The following SOX6 variants were observed in gnomAD, a reference collection of about 807,000 sequenced individuals.
SOX6 encodes the protein transcription factor SOX-6.
Under a neutral mutation model 97.8 loss-of-function variants are expected in SOX6, and 11 were observed. That is an observed-to-expected ratio of 0.11 (90% CI 0.07 to 0.19). SOX6 has a LOEUF of 0.19. Among genes scored for constraint, SOX6 ranks in the 10% least tolerant of loss-of-function variants. SOX6 has a pLI of 1.00. For synonymous variants in SOX6, 360 were observed against 371.4 expected (o/e 0.97, Z 0.35); for missense variants, 810 against 1,039.5 (o/e 0.78, Z 3.04).
intron 5 of SOX6, 138 bp downstream of exon 5, chr11:16,186,645 T>G (rs975772553): frequency 4.6e-6 from 5 of 1,091,436 alleles, no homozygotes; most frequent in East Asian, 2.8e-5. Flanking sequence ...GAAGGCTTTG[T>G]TTTTTTTTTC....
chr11:16,040,711 A>T (rs1590151760), intron 12 of SOX6, among the ~76,000 whole-genome samples: 1 of 152,182 alleles, frequency 6.6e-6, no homozygotes, highest in South Asian at 2.1e-4. Flanking sequence ...TGCGCTATCA[A>T]TCTCACAGAG....
intron 6 of SOX6, among the ~76,000 whole-genome samples, chr11:16,142,985 C>A (rs1850186005): frequency 6.6e-6 from 1 of 152,114 alleles, no homozygotes; most frequent in South Asian, 2.1e-4. Flanking sequence ...CATTCAAATT[C>A]AGGAAATACA....
At chr11:16,224,520 T>C (rs189058064) in intron 4 of SOX6, among the ~76,000 whole-genome samples, 1 of 152,176 alleles carries the variant, frequency 6.6e-6, no homozygotes, top group East Asian at 1.9e-4. Flanking sequence ...CTTGTGTCTC[T>C]AACCCCAAGT....
chr11:16,346,375 C>G (rs1856776268), intron 1 of SOX6, among the ~76,000 whole-genome samples: 1 of 151,990 alleles, frequency 6.6e-6, no homozygotes, highest in Non-Finnish European at 1.5e-5. Flanking sequence ...CCCTCTTCTT[C>G]TATCTCTAAT....
chr11:16,650,136 A>G (rs1010914513), intron 3 of SOX6, among the ~76,000 whole-genome samples: 21 of 152,170 alleles, frequency 1.4e-4, no homozygotes, highest in African/African-American at 4.3e-4. Flanking sequence ...TTTATAAAAC[A>G]ATTACTACTA....
chr11:16,044,954 ATCTG>A (rs1336462513), intron 12 of SOX6, among the ~76,000 whole-genome samples: 1 of 140,688 alleles, frequency 7.1e-6, no homozygotes, highest in Non-Finnish European at 1.5e-5. Flanking sequence ...CTATCTATCT[ATCTG>A]TCTATCTGTC....
intron 6 of SOX6, among the ~76,000 whole-genome samples, chr11:16,114,386 A>G (rs1289636675): frequency 6.6e-6 from 1 of 152,226 alleles, no homozygotes; most frequent in Admixed American, 6.5e-5. Context: ...GAAGCTAATT[A>G]TAATACCTTA....
intron 3 of SOX6, among the ~76,000 whole-genome samples, chr11:16,656,406 G>A (rs775601280): frequency 3.3e-5 from 5 of 152,078 alleles, no homozygotes; most frequent in Non-Finnish European, 5.9e-5. Context: ...GACGTACCAG[G>A]AGAGTCTTTA....
intron 13 of SOX6, among the ~76,000 whole-genome samples, chr11:16,002,231 G>A (rs1854428138): frequency 6.6e-6 from 1 of 152,156 alleles, no homozygotes; most frequent in Non-Finnish European, 1.5e-5. Flanking sequence ...GCCTTTTGTG[G>A]TATTTGTTAA....
intron 3 of SOX6, among the ~76,000 whole-genome samples, chr11:16,241,597 T>A (rs1488435675): frequency 6.6e-6 from 1 of 152,076 alleles, no homozygotes; most frequent in Non-Finnish European, 1.5e-5. Flanking sequence ...GGGAAAATAT[T>A]TCTGACTGCT....
chr11:16,730,364 A>G (rs1848340348), intron 2 of SOX6, among the ~76,000 whole-genome samples: 1 of 152,152 alleles, frequency 6.6e-6, no homozygotes, highest in Admixed American at 6.6e-5. Flanking sequence ...CTCCTCAGCA[A>G]AAGCAAAAGA....
intron 6 of SOX6, among the ~76,000 whole-genome samples, chr11:16,118,015 T>A (rs903307593): frequency 6.6e-6 from 1 of 152,208 alleles, no homozygotes; most frequent in Admixed American, 6.5e-5. Context: ...AATTCAGAGA[T>A]TCTTTAATTA....
rs997564554 is a variant in SOX6, at chr11:15,970,720, G to A, written c.*2089C>T. 8 of 152,628 alleles carry A rather than the reference G, an allele frequency of 5.2e-5. No individual in the cohort carries two copies. Among genetic ancestry groups the A allele is most frequent in the African/African-American group, 1.4e-4 (6 of 41,452 alleles). 9.5% of individuals were successfully genotyped at this position (152,628 alleles called of 1,614,324 possible). A position where few individuals can be genotyped will look rare whatever the true frequency, so the allele number is the denominator to read the frequency against. ...AGAATAGCTTGTAATTTCTTGGCTA[G>A]ACCTGTTTATTGCTATTAGGCCTTG... On this transcript the variant is annotated 3_prime_UTR_variant, in exon 16 of 16. Transcript: ENST00000683767.
At chr11:15,989,812 T>C (rs1853990039) in intron 13 of SOX6, among the ~76,000 whole-genome samples, 2 of 152,222 alleles carry the variant, frequency 1.3e-5, no homozygotes, top group South Asian at 4.1e-4. Context: ...AAGGAGACCA[T>C]GGTAAATAAA....
chr11:16,363,218 C>CT (rs1169390868), intron 1 of SOX6, among the ~76,000 whole-genome samples: 2 of 152,134 alleles, frequency 1.3e-5, no homozygotes, highest in African/African-American at 4.8e-5. Flanking sequence ...AAGGGACCAC[C>CT]TTCTAGCTTC....
Position 15,994,597 on chromosome 11 carries a change from T to C in SOX6, c.1733-5367A>G, listed in dbSNP as rs528142411. Among the ~76,000 whole-genome samples the C allele has an allele frequency of 4.6e-5, 7 of 152,038 alleles. 1 individual carries two copies. The East Asian group carries it at 1.4e-3, about 29-fold the overall frequency. Reference sequence around the variant, plus strand: ...TCTAGAAGAGATCAAAATGGAAAACTAAATGAGAAATTACCACTGAATAGT... The same window carrying C: ...TCTAGAAGAGATCAAAATGGAAAACCAAATGAGAAATTACCACTGAATAGT... On this transcript the variant is annotated intron_variant, in intron 13 of 15. Transcript: ENST00000683767.
intron 3 of SOX6, among the ~76,000 whole-genome samples, chr11:16,305,482 T>C (rs1855400865): frequency 2.6e-5 from 4 of 152,206 alleles, no homozygotes; most frequent in Non-Finnish European, 5.9e-5. Flanking sequence ...GTACAGCTAC[T>C]CTGAAATACA....
chr11:16,180,910 A>G (rs1851330643), intron 6 of SOX6, among the ~76,000 whole-genome samples: 1 of 151,828 alleles, frequency 6.6e-6, no homozygotes, highest in Non-Finnish European at 1.5e-5. Flanking sequence ...AACTTTTACA[A>G]TACTATCTTA....
intron 12 of SOX6, among the ~76,000 whole-genome samples, chr11:16,029,859 T>G (rs1412199735): frequency 6.6e-6 from 1 of 152,190 alleles, no homozygotes; most frequent in African/African-American, 2.4e-5. Context: ...GCTACAAAAG[T>G]TTTTATAATA....
Sources: allele counts gnomAD v4.1 joint callset (sites outside exome capture counted in the v4.1 genomes callset), GRCh38; gene constraint gnomAD v4.1.1; transcripts MANE v1.5; gene names NCBI Gene and HGNC (gene_info 2026-07-23, HGNC 2026-07-21).